BBS9: variants seen among roughly 807,000 people sequenced by gnomAD.
The protein encoded by BBS9 is protein PTHB1.
In BBS9, 89 loss-of-function variants were observed where a neutral mutation model predicts 117.7. The observed-to-expected ratio is 0.76, with a 90% confidence interval of 0.64 to 0.90. The LOEUF (loss-of-function observed/expected upper bound fraction) is 0.90. Among genes scored for constraint, BBS9 ranks in the 40% least tolerant of loss-of-function variants. BBS9 has a pLI of 0.00. For synonymous variants in BBS9, 379 were observed against 370.9 expected, an observed-to-expected ratio of 1.02 and a Z score of -0.25; for missense variants, 982 against 1,042.2, an observed-to-expected ratio of 0.94 and a Z score of 0.80.
chr7:33,593,960 C>A (rs1196418299), intron 21 of BBS9, among the ~76,000 whole-genome samples: 1 of 152,034 alleles, frequency 6.6e-6, no homozygotes, highest in East Asian at 1.9e-4. Flanking sequence ...TTAATTCTCG[C>A]CACCAAGTGA....
At position 33,290,991 on chromosome 7, in the gene BBS9, T is replaced by A. The variant is rs531341325; in HGVS notation, c.1016+17035T>A. Reference sequence around the variant, plus strand: ...TATGCTAATTTCAGTTCAGTAAATATACCATTTTTGTAGTTAAAAATTTAA... The same window carrying A: ...TATGCTAATTTCAGTTCAGTAAATAAACCATTTTTGTAGTTAAAAATTTAA... On this transcript the variant is annotated intron_variant, in intron 9 of 22. Coordinates refer to ENST00000242067, the MANE Select transcript of BBS9 (RefSeq NM_198428.3). 1.7e-4 allele frequency among the ~76,000 whole-genome samples: 26 copies of A among 152,302 alleles called. No homozygotes were observed. In the East Asian group the frequency reaches 5.0e-3, roughly 29 times the overall value.
At chr7:33,296,511 T>C (rs975365030) in intron 9 of BBS9, among the ~76,000 whole-genome samples, 2 of 152,172 alleles carry the variant, frequency 1.3e-5, no homozygotes, top group Non-Finnish European at 2.9e-5. Flanking sequence ...ACCTGCTTTA[T>C]TGAGATTGTT....
chr7:33,409,669 T>C (rs1398044172), intron 19 of BBS9, among the ~76,000 whole-genome samples: 2 of 152,226 alleles, frequency 1.3e-5, no homozygotes, highest in African/African-American at 2.4e-5. Flanking sequence ...ACATCACTTA[T>C]TGTTGTCTGT....
chr7:33,249,241 A>G (rs1795844787), intron 5 of BBS9, among the ~76,000 whole-genome samples: 1 of 151,660 alleles, frequency 6.6e-6, no homozygotes, highest in Admixed American at 6.6e-5. Flanking sequence ...ACACACACAC[A>G]CACACACACA....
intron 20 of BBS9, among the ~76,000 whole-genome samples, chr7:33,509,546 G>T (rs1374861863): frequency 6.6e-6 from 1 of 152,218 alleles, no homozygotes; most frequent in Admixed American, 6.5e-5. Context: ...GTGGATGGCA[G>T]AGTACATGTG....
chr7:33,558,068 A>C (rs971467471), intron 21 of BBS9, among the ~76,000 whole-genome samples: 8 of 152,230 alleles, frequency 5.3e-5, no homozygotes, highest in African/African-American at 1.9e-4. Context: ...ATTTTGCATT[A>C]AAATATACCT....
intron 19 of BBS9, among the ~76,000 whole-genome samples, chr7:33,454,843 C>T (rs753227743): frequency 6.6e-6 from 1 of 152,154 alleles, no homozygotes; most frequent in African/African-American, 2.4e-5. Context: ...TTTGTACATC[C>T]CCTTGGTTTT....
At chr7:33,535,932 A>T (rs1263699155) in intron 21 of BBS9, among the ~76,000 whole-genome samples, 2 of 151,944 alleles carry the variant, frequency 1.3e-5, no homozygotes, top group Non-Finnish European at 2.9e-5. Context: ...CTGTTCAGGG[A>T]TCCTCAAATC....
At chr7:33,229,860 A>G (rs1010319013) in intron 5 of BBS9, among the ~76,000 whole-genome samples, 11 of 152,064 alleles carry the variant, frequency 7.2e-5, no homozygotes, top group African/African-American at 2.7e-4. Flanking sequence ...GGCTATATCA[A>G]TTTACATTTC....
chr7:33,613,960 G>A (rs1865007898), intron 21 of BBS9, among the ~76,000 whole-genome samples: 1 of 152,054 alleles, frequency 6.6e-6, no homozygotes, highest in Non-Finnish European at 1.5e-5. Flanking sequence ...TTTCTGCATG[G>A]CAGGCTATAT....
chr7:33,310,978 A>G (rs36081731), intron 9 of BBS9, among the ~76,000 whole-genome samples: 21,290 of 152,236 alleles, frequency 0.14, 1,832 homozygotes, highest in Non-Finnish European at 0.18. Flanking sequence ...TAAACATATC[A>G]TTCCAACAGT....
intron 9 of BBS9, among the ~76,000 whole-genome samples, chr7:33,322,051 C>G (rs377210890): frequency 6.6e-6 from 1 of 151,980 alleles, no homozygotes; most frequent in East Asian, 1.9e-4. Flanking sequence ...TTGAACTATA[C>G]CAGCATCCTA....
intron 9 of BBS9, among the ~76,000 whole-genome samples, chr7:33,281,059 C>A (rs921723964): frequency 6.6e-6 from 1 of 151,414 alleles, no homozygotes; most frequent in African/African-American, 2.4e-5. Context: ...GGTATAAATT[C>A]TGATATTTAG....
chr7:33,226,019 C>T (rs1323856708), intron 5 of BBS9, among the ~76,000 whole-genome samples: 1 of 152,098 alleles, frequency 6.6e-6, no homozygotes, highest in Non-Finnish European at 1.5e-5. Flanking sequence ...GTTTTGTCTT[C>T]CAACATAGCC....
intron 19 of BBS9, among the ~76,000 whole-genome samples, chr7:33,473,379 A>C (rs1267607818): frequency 7.9e-6 from 1 of 127,212 alleles, no homozygotes; most frequent in East Asian, 2.8e-4. Context: ...GCTGGAGTGT[A>C]GTGGCACAAT....
chr7:33,573,483 GCT>G (rs1238504212), intron 21 of BBS9, among the ~76,000 whole-genome samples: 1 of 152,030 alleles, frequency 6.6e-6, no homozygotes, highest in African/African-American at 2.4e-5. Context: ...AGTTCATAGA[GCT>G]CTTTCTTATT....
At chr7:33,389,365 T>C (rs1320666055) in intron 19 of BBS9, among the ~76,000 whole-genome samples, 1 of 152,122 alleles carries the variant, frequency 6.6e-6, no homozygotes, top group Non-Finnish European at 1.5e-5. Flanking sequence ...GCTTACTATG[T>C]TTTTGCTCAT....
chr7:33,462,163 G>T (rs1050003515), intron 19 of BBS9, among the ~76,000 whole-genome samples: 1 of 151,958 alleles, frequency 6.6e-6, no homozygotes, highest in East Asian at 1.9e-4. Context: ...GTTTTATTGG[G>T]ATAATACTTG....
intron 19 of BBS9, among the ~76,000 whole-genome samples, chr7:33,489,619 A>G (rs975946023): frequency 3.3e-5 from 5 of 152,056 alleles, no homozygotes; most frequent in Non-Finnish European, 7.4e-5. Flanking sequence ...AATCTGTGTA[A>G]TCTTTCTTAA....
Sources: gnomAD v4.1 joint callset for allele counts (sites outside exome capture counted in the v4.1 genomes callset) on GRCh38, gnomAD v4.1.1 for gene constraint, MANE v1.5 for transcripts, NCBI Gene and HGNC (gene_info 2026-07-23, HGNC 2026-07-21) for gene names.